FKBP15: variants seen among roughly 807,000 people sequenced by gnomAD.
FKBP15 encodes the protein FKBP prolyl isomerase family member 15, also known as FK506-binding protein 15.
A neutral mutation model predicts 158.1 loss-of-function variants in FKBP15; 106 were observed. The observed-to-expected ratio is 0.67, with a 90% CI of 0.57 to 0.79. The LOEUF (loss-of-function observed/expected upper bound fraction) is 0.79, where lower values mean the gene tolerates loss of function less well. Among genes scored for constraint, FKBP15 ranks in the 30% least tolerant of loss-of-function variants. The pLI, the probability that FKBP15 is intolerant of heterozygous loss-of-function variation, is 0.00. For missense variants in FKBP15, 1,287 were observed against 1,479.1 expected, an observed-to-expected ratio of 0.87 and a Z score of 2.13; for synonymous variants, 547 against 548.6, an observed-to-expected ratio of 1.00 and a Z score of 0.04.
At chr9:113,182,686 C>T (rs150913001) in intron 19 of FKBP15, 80 bp downstream of exon 19, 33 of 1,119,572 alleles carry the variant, frequency 2.9e-5, no homozygotes, top group East Asian at 1.2e-4. Flanking sequence ...GTTGGAAAGC[C>T]GACTGGTGAG....
chr9:113,208,920 C>T (rs896919895), intron 2 of FKBP15, among the ~76,000 whole-genome samples: 3 of 148,446 alleles, frequency 2.0e-5, no homozygotes, highest in African/African-American at 7.5e-5. Flanking sequence ...GCATGAGAAT[C>T]ACTTGAAACA....
At position 113,176,622 on chromosome 9, in the gene FKBP15, T is replaced by G. The variant is rs368368096; in HGVS notation, c.2138A>C (p.Gln713Pro). Residue 713 changes from glutamine to proline, a missense_variant, in exon 21 of 28, where the codon CAG (glutamine) becomes CCG (proline). Physicochemically the swap from Gln to Pro is moderately conservative, Grantham distance 76 (BLOSUM62 -1). Coordinates refer to ENST00000238256, the MANE Select transcript of FKBP15 (RefSeq NM_015258.2). ...CTTGAGTTCCAGTTGTTTCCGGTTC[T>G]GCTTTTCACTTTTGAATTTGGACTG... is the stretch of plus-strand genomic sequence containing the variant. ...QAQSKFKSEK[Q>P]NRKQLELKVT... 3 of 1,603,612 alleles carry G rather than the reference T, an allele frequency of 1.9e-6. No individual in the cohort carries two copies. Among genetic ancestry groups the G allele is most frequent in the Non-Finnish European group, 2.6e-6 (3 of 1,173,944 alleles).
Position 113,163,849 on chromosome 9 carries a change from C to T in FKBP15, c.*2229G>A, listed in dbSNP as rs1830056767. Reference sequence around the variant, plus strand: ...AATACTTAATATTCTCTATTTATTACTTACTGCTTACTCGTAATGATCTAG... The same window carrying T: ...AATACTTAATATTCTCTATTTATTATTTACTGCTTACTCGTAATGATCTAG... On this transcript the variant is annotated 3_prime_UTR_variant, in exon 28 of 28. Transcript: ENST00000238256. The T allele has an allele frequency of 6.6e-6, 1 of 152,642 alleles. No individual in the cohort carries two copies. Among genetic ancestry groups the T allele is most frequent in the Admixed American group, 6.5e-5 (1 of 15,282 alleles). The allele number at this position is 152,642 out of a possible 1,614,324, so 9.5% of individuals were successfully genotyped here.
Position 113,161,847 on chromosome 9 carries a change from A to G in FKBP15, c.*4231T>C. The G allele has an allele frequency of 1.2e-6, 1 of 811,522 alleles. No homozygotes were observed. The highest frequency in any genetic ancestry group is 2.1e-6 in the Non-Finnish European group (1 of 483,760). 50.3% of individuals were successfully genotyped at this position (811,522 alleles called of 1,614,324 possible). A position where few individuals can be genotyped will look rare whatever the true frequency, so the allele number is the denominator to read the frequency against. ...TTGCCAAAGTGGCTACACATAGCCA[A>G]GTGAACTAGAGCTCATGTCTCCTGA... On this transcript the variant is annotated 3_prime_UTR_variant, in exon 28 of 28. Transcript: ENST00000238256.
chr9:113,170,014 A>G, intron 25 of FKBP15, 72 bp from the exon 26 acceptor site: 1 of 1,451,538 alleles, frequency 6.9e-7, no homozygotes, highest in South Asian at 1.5e-5. Context: ...TATTAACACT[A>G]CTGGTCATGT....
intron 19 of FKBP15, among the ~76,000 whole-genome samples, chr9:113,180,079 A>G (rs114189743): frequency 0.012 from 1,861 of 152,272 alleles, 39 homozygotes; most frequent in African/African-American, 0.042. Context: ...TCTCATAAGG[A>G]CTTGCAGCAG....
chr9:113,191,965 A>C (rs1041281883), intron 11 of FKBP15, among the ~76,000 whole-genome samples: 1 of 151,226 alleles, frequency 6.6e-6, no homozygotes, highest in Admixed American at 6.6e-5. Flanking sequence ...ATGGAAAAGA[A>C]AAAGAAAAAG....
Position 113,164,979 on chromosome 9 carries a change from G to C in FKBP15, c.*1099C>G, listed in dbSNP as rs186468145. The C allele has an allele frequency of 6.6e-6, 1 of 152,218 alleles. No homozygotes were observed. Among genetic ancestry groups the C allele is most frequent in the Non-Finnish European group, 1.5e-5 (1 of 68,008 alleles). 9.4% of individuals were successfully genotyped at this position (152,218 alleles called of 1,614,324 possible). On this transcript the variant is annotated 3_prime_UTR_variant, in exon 28 of 28. Coordinates refer to ENST00000238256, the MANE Select transcript of FKBP15 (RefSeq NM_015258.2). ...AGGATGATGCCAGGCCAGATGAAGTGGAATTTTGGGTCCTATCTTTTAAAA... is the reference window on the plus strand; with the variant it reads ...AGGATGATGCCAGGCCAGATGAAGTCGAATTTTGGGTCCTATCTTTTAAAA...
intron 27 of FKBP15, among the ~76,000 whole-genome samples, chr9:113,167,675 T>G (rs1465324064): frequency 6.6e-6 from 1 of 152,180 alleles, no homozygotes; most frequent in African/African-American, 2.4e-5. Context: ...CACCCTCATA[T>G]TTCTGTCCTT....
chr9:113,186,354 C>A lies in FKBP15; in HGVS notation c.1393G>T (p.Gly465Cys), dbSNP rs868855426. 1 of 1,557,578 alleles carries A rather than the reference C, an allele frequency of 6.4e-7. No homozygotes were observed. Among genetic ancestry groups the A allele is most frequent in the South Asian group, 1.2e-5 (1 of 84,426 alleles). The change falls in exon 15 of 28, where the codon GGT (glycine) becomes TGT (cysteine). Residue 465 changes from glycine to cysteine, a missense_variant. By Grantham distance (159) the Gly-to-Cys change is radical (BLOSUM62 -3). Transcript: ENST00000238256. ...TGGGGATAAGCGTAGGCTTGCATAC[C>A]TGCATAGGGCTGAGAAACTGACGAG... ...GNAQSFQPYA[G>C]MQAYAYPQAS...
In FKBP15 at chr9:113,171,724, T is replaced by C. The variant is rs1235001947; in HGVS notation, c.2533-18A>G. On this transcript the variant is annotated intron_variant, in intron 23 of 27. Coordinates refer to ENST00000238256, the MANE Select transcript of FKBP15 (RefSeq NM_015258.2). ...GCTAAACACTGCAAAACAAACAGACTGTGGCTGTGGCCTCAGGAACCAGGT... is the reference window on the plus strand; with the variant it reads ...GCTAAACACTGCAAAACAAACAGACCGTGGCTGTGGCCTCAGGAACCAGGT... 2.0e-6 allele frequency: 3 copies of C among 1,481,936 alleles called. No individual in the cohort carries two copies. The highest frequency in any genetic ancestry group is 2.7e-6 in the Non-Finnish European group (3 of 1,116,270). 91.8% of individuals were successfully genotyped at this position (1,481,936 alleles called of 1,614,324 possible). A position where few individuals can be genotyped will look rare whatever the true frequency, so the allele number is the denominator to read the frequency against.
At chr9:113,204,943 T>A (rs1470499901) in intron 4 of FKBP15, among the ~76,000 whole-genome samples, 1 of 73,050 alleles carries the variant, frequency 1.4e-5, no homozygotes, top group African/African-American at 4.7e-5. Context: ...ATATCTAGGT[T>A]ATTTGTGAGT....
intron 4 of FKBP15, among the ~76,000 whole-genome samples, 165 bp from the exon 5 acceptor site, chr9:113,203,200 T>C (rs1830827150): frequency 6.6e-6 from 1 of 152,216 alleles, no homozygotes; most frequent in South Asian, 2.1e-4. Flanking sequence ...AAATTTTATC[T>C]TCTCACTATC....
chr9:113,209,206 G>C (rs1427499010), intron 2 of FKBP15, among the ~76,000 whole-genome samples: 1 of 152,020 alleles, frequency 6.6e-6, no homozygotes, highest in Non-Finnish European at 1.5e-5. Context: ...AGGAGTTCAA[G>C]GCCGTAGTGC....
chr9:113,196,215 C>T (rs897836361), intron 9 of FKBP15, among the ~76,000 whole-genome samples: 1 of 152,118 alleles, frequency 6.6e-6, no homozygotes, highest in East Asian at 1.9e-4. Context: ...TACTATGTGG[C>T]AGAGGTAGTC....
At chr9:113,180,890 C>G (rs1016943293) in intron 19 of FKBP15, among the ~76,000 whole-genome samples, 4 of 152,154 alleles carry the variant, frequency 2.6e-5, no homozygotes, top group Non-Finnish European at 5.9e-5. Context: ...CTTAACCATA[C>G]TTTTCTGAGC....
chr9:113,168,507 C>T lies in FKBP15; in HGVS notation c.3535G>A (p.Ala1179Thr). The change falls in exon 27 of 28, where the codon GCT becomes ACT. Residue 1179 changes from alanine (A) to threonine (T), a missense_variant. Physicochemically the swap from Ala to Thr is moderately conservative, Grantham distance 58. Transcript: ENST00000238256. ...TCAGGCTGTGCTTTGGGCCTCAGAG[C>T]TTTCAGAGTTGCCCCTTTAAACAGT... ...DELFKGATLK[A>T]LRPKAQPEEE... 1.2e-6 allele frequency: 2 copies of T among 1,614,006 alleles called. No homozygotes were observed. The highest frequency in any genetic ancestry group is 1.7e-6 in the Non-Finnish European group (2 of 1,179,872).
Position 113,182,752 on chromosome 9 carries a change from C to A in FKBP15, c.1914+14G>T. The A allele has an allele frequency of 6.2e-7, 1 of 1,609,030 alleles. No individual in the cohort carries two copies. The highest frequency in any genetic ancestry group is 8.5e-7 in the Non-Finnish European group (1 of 1,175,530). On this transcript the variant is annotated intron_variant, in intron 19 of 27. Coordinates refer to ENST00000238256, the MANE Select transcript of FKBP15 (RefSeq NM_015258.2). ...CCATCCTGACCTGGGCTTTTCTCTC[C>A]CCAGTTGCTTTACCTTCTCTTGTTC...
chr9:113,219,700 T>C (rs763378608), intron 1 of FKBP15, among the ~76,000 whole-genome samples: 18 of 152,308 alleles, frequency 1.2e-4, no homozygotes, highest in Non-Finnish European at 5.9e-5. Flanking sequence ...TGGCTGTCAT[T>C]ACCTATCCCA....
Sources: allele counts gnomAD v4.1 joint callset (sites outside exome capture counted in the v4.1 genomes callset), GRCh38; gene constraint gnomAD v4.1.1; transcripts MANE v1.5; gene names NCBI Gene and HGNC (gene_info 2026-07-23, HGNC 2026-07-21).